The following PPP1R12C variants were observed in gnomAD, a reference collection of about 807,000 sequenced individuals.
The protein encoded by PPP1R12C is protein phosphatase 1 regulatory subunit 12C.
PPP1R12C carries 48 observed loss-of-function variants against 95.6 expected under a neutral mutation model. That is an observed-to-expected ratio of 0.50 (90% CI 0.40 to 0.64). PPP1R12C has a LOEUF of 0.64. Ranked by LOEUF, PPP1R12C falls within the 30% of genes least tolerant of loss-of-function variation. PPP1R12C has a pLI of 0.00. For synonymous variants in PPP1R12C, 480 were observed against 460.8 expected, an observed-to-expected ratio of 1.04 and a Z score of -0.53; for missense variants, 1,057 against 1,083.3, an observed-to-expected ratio of 0.98 and a Z score of 0.34.
rs1246523071 is a variant in PPP1R12C at position 55,113,397 on chromosome 19, T to C, written c.322-602A>G. ...GGGGTGAGACAGCTGCACACCTGTG[T>C]GCCTGGGCCCCAGGCTGTCACACTC... On this transcript the variant is annotated intron_variant, in intron 1 of 21. Coordinates refer to ENST00000263433, the MANE Select transcript of PPP1R12C (RefSeq NM_017607.4). The C allele has an allele frequency of 1.4e-5, 21 of 1,474,674 alleles. No individual in the cohort carries two copies. In the East Asian group the frequency reaches 4.8e-4, roughly 33 times the overall value. The allele number at this position is 1,474,674 out of a possible 1,614,324, so 91.3% of individuals were successfully genotyped here.
intron 1 of PPP1R12C, chr19:55,115,403 C>G (rs939867505): frequency 6.6e-6 from 1 of 152,276 alleles, no homozygotes; most frequent in East Asian, 1.9e-4. Context: ...AACTGCTTCT[C>G]CTCTTGGGAA....
chr19:55,100,009 C>T (rs1403838988), intron 4 of PPP1R12C, among the ~76,000 whole-genome samples: 1 of 152,204 alleles, frequency 6.6e-6, no homozygotes, highest in African/African-American at 2.4e-5. Context: ...TTGCCCTTCA[C>T]CTTTCCCACG....
chr19:55,117,175 G>T (rs2085162984), intron 1 of PPP1R12C, 48 bp downstream of exon 1: 4 of 1,207,976 alleles, frequency 3.3e-6, no homozygotes, highest in African/African-American at 1.6e-5. Flanking sequence ...AGGTGGCGCA[G>T]CAGAGGGTGG....
rs575127983 is a variant in PPP1R12C, at chr19:55,098,847, G to A, written c.888C>T (p.Pro296=). 4 of 1,613,400 alleles carry A rather than the reference G, an allele frequency of 2.5e-6. No homozygotes were observed. The highest frequency in any genetic ancestry group is 1.3e-5 in the African/African-American group (1 of 75,080). ...MDSLTHAGQR[P]CDLADEEVLS... Reference sequence around the variant, plus strand: ...GTACTTCCTCATCGGCCAGGTCACAGGGACGCTGCCCCTGGGTCAGGGGAG... The same window carrying A: ...GTACTTCCTCATCGGCCAGGTCACAAGGACGCTGCCCCTGGGTCAGGGGAG... Residue 296 remains proline (P), a synonymous_variant, in exon 6 of 22, where the codon CCC becomes CCT. Coordinates refer to ENST00000263433, the MANE Select transcript of PPP1R12C (RefSeq NM_017607.4).
At chr19:55,098,167 G>A (rs1568810431) in intron 6 of PPP1R12C, among the ~76,000 whole-genome samples, 1 of 152,174 alleles carries the variant, frequency 6.6e-6, no homozygotes, top group African/African-American at 2.4e-5. Flanking sequence ...GCTTTCCAGG[G>A]GCACGTACTC....
intron 12 of PPP1R12C, 33 bp downstream of exon 12, chr19:55,094,627 CG>C: frequency 1.9e-6 from 3 of 1,546,264 alleles, no homozygotes. Flanking sequence ...CTGCTGGGGG[CG>C]GGGGCGGCAG....
intron 19 of PPP1R12C, 55 bp downstream of exon 19, chr19:55,092,167 A>T (rs1477829261): frequency 5.5e-6 from 8 of 1,467,126 alleles, no homozygotes; most frequent in Non-Finnish European, 7.4e-6. Flanking sequence ...CAGCAGTCTA[A>T]GCCCCACCCA....
At chr19:55,095,212 C>A (rs1806140987) in intron 11 of PPP1R12C, 79 bp downstream of exon 11, 2 of 1,435,130 alleles carry the variant, frequency 1.4e-6, no homozygotes, top group South Asian at 2.4e-5. Context: ...GGTACATGGT[C>A]TCACTCAGGA....
intron 6 of PPP1R12C, among the ~76,000 whole-genome samples, chr19:55,098,316 T>C (rs1165628465): frequency 3.9e-5 from 6 of 152,220 alleles, no homozygotes; most frequent in Non-Finnish European, 8.8e-5. Flanking sequence ...GGCAGATCCA[T>C]GGCAGAGCCG....
chr19:55,106,292 T>C (rs1461864202), intron 3 of PPP1R12C, among the ~76,000 whole-genome samples: 2 of 152,182 alleles, frequency 1.3e-5, no homozygotes, highest in Non-Finnish European at 2.9e-5. Flanking sequence ...CTGCAAACAA[T>C]ACTATGATGA....
chr19:55,095,703 A>C, intron 9 of PPP1R12C, 100 bp from the exon 10 acceptor site: 1 of 1,505,918 alleles, frequency 6.6e-7, no homozygotes, highest in Non-Finnish European at 9.0e-7. Context: ...AATTCCCATC[A>C]GCCCCCGGGG....
chr19:55,103,038 C>A (rs553052687), intron 4 of PPP1R12C, among the ~76,000 whole-genome samples: 2 of 151,960 alleles, frequency 1.3e-5, no homozygotes, highest in Admixed American at 1.3e-4. Context: ...CCCATCTCTA[C>A]AAAAATTAGC....
At chr19:55,095,732 G>A (rs1179434149) in intron 9 of PPP1R12C, 129 bp from the exon 10 acceptor site, 2 of 1,515,698 alleles carry the variant, frequency 1.3e-6, no homozygotes, top group African/African-American at 2.8e-5. Flanking sequence ...GCCTAAAAAG[G>A]AAGCCGGTTG....
At chr19:55,094,506 G>A (rs1330128041) in intron 12 of PPP1R12C, 71 bp from the exon 13 acceptor site, 7 of 1,599,154 alleles carry the variant, frequency 4.4e-6, no homozygotes, top group South Asian at 1.1e-5. Context: ...GACACCCTCC[G>A]CGGGAAGCAA....
chr19:55,117,590 C>T lies in PPP1R12C; in HGVS notation c.-47G>A, dbSNP rs1489467717. The T allele has an allele frequency of 1.1e-5, 11 of 974,404 alleles. No homozygotes were observed. Among genetic ancestry groups the T allele is most frequent in the Non-Finnish European group, 1.2e-5 (10 of 820,078 alleles). The allele number at this position is 974,404 out of a possible 1,614,324, so 60.4% of individuals were successfully genotyped here. On this transcript the variant is annotated 5_prime_UTR_variant, in exon 1 of 22. Coordinates refer to ENST00000263433, the MANE Select transcript of PPP1R12C (RefSeq NM_017607.4). The stretch of plus-strand genomic sequence containing the variant: ...GAGCGAGCGAGCGCCGAGCCCCAAC[C>T]GCCGCCACCACCCGCCCGCCCGCCC...
intron 3 of PPP1R12C, among the ~76,000 whole-genome samples, chr19:55,111,162 A>C: frequency 1.7e-5 from 1 of 59,350 alleles, no homozygotes; most frequent in South Asian, 6.5e-4. Flanking sequence ...GGGGGGGTGC[A>C]TGGTTGGGGG....
chr19:55,094,426 C>T lies in PPP1R12C; in HGVS notation c.1602G>A (p.Gln534=). The T allele has an allele frequency of 6.2e-7, 1 of 1,613,902 alleles. No homozygotes were observed. Among genetic ancestry groups the T allele is most frequent in the South Asian group, 1.1e-5 (1 of 91,086 alleles). The change falls in exon 13 of 22, where the codon CAG becomes CAA. Residue 534 remains glutamine (Q), a synonymous_variant. Coordinates refer to ENST00000263433, the MANE Select transcript of PPP1R12C (RefSeq NM_017607.4). ...ADSRDRRRSY[Q]MPVRDEESES... ...CCGACTCCTCATCCCGCACAGGCAT[C>T]TGGTAGGACCTGAGGGAAGGGTCCC... is the stretch of plus-strand genomic sequence containing the variant.
intron 4 of PPP1R12C, among the ~76,000 whole-genome samples, chr19:55,102,175 G>A (rs550785385): frequency 1.4e-4 from 22 of 152,312 alleles, no homozygotes; most frequent in African/African-American, 4.8e-4. Context: ...TAAGACTGAG[G>A]TGAGGATGAC....
rs769016882 is a variant in PPP1R12C at position 55,096,310 on chromosome 19, T to C, written c.977A>G (p.Gln326Arg). The C allele has an allele frequency of 1.2e-6, 2 of 1,613,530 alleles. No individual in the cohort carries two copies. The highest frequency in any genetic ancestry group is 2.2e-5 in the South Asian group (2 of 91,080). ...EDLRNQKEAS[Q>R]SRGQEPQAPS... ...CGCTTGGGGCTCCTGGCCCCGGCTC[T>C]GGGAAGCTTCTTTTTGGTTCCGAAG... Residue 326 changes from glutamine to arginine, a missense_variant, in exon 7 of 22, where the codon CAG becomes CGG. By Grantham distance (43) the Gln-to-Arg change is conservative. Around this residue, in one of 5 missense-constraint regions of PPP1R12C, gnomAD observed 356 missense variants for 330.5 expected, o/e 1.08. Coordinates refer to ENST00000263433, the MANE Select transcript of PPP1R12C (RefSeq NM_017607.4).
Sources: allele counts gnomAD v4.1 joint callset (sites outside exome capture counted in the v4.1 genomes callset), GRCh38; gene constraint gnomAD v4.1.1; regional missense constraint gnomAD v4.1.1; transcripts MANE v1.5; gene names NCBI Gene and HGNC (gene_info 2026-07-23, HGNC 2026-07-21).